The following FHIT variants were observed in gnomAD, a reference collection of about 807,000 sequenced individuals.
The protein encoded by FHIT is bis(5'-adenosyl)-triphosphatase.
A neutral mutation model predicts 17.9 loss-of-function variants in FHIT; 19 were observed. The ratio of observed to expected loss-of-function variants is 1.06; its 90% CI spans 0.74 to 1.56. FHIT has a LOEUF of 1.56. FHIT is among the 40% of genes most tolerant of loss of function. The pLI, the probability that FHIT is intolerant of heterozygous loss-of-function variation, is 0.00. For synonymous variants in FHIT, 81 were observed against 69.7 expected, an observed-to-expected ratio of 1.16 and a Z score of -0.81; for missense variants, 248 against 189.2, an observed-to-expected ratio of 1.31 and a Z score of -1.82.
intron 3 of FHIT, among the ~76,000 whole-genome samples, chr3:60,825,741 C>A (rs1011944271): frequency 1.3e-5 from 2 of 152,294 alleles, no homozygotes; most frequent in East Asian, 1.9e-4. Context: ...CCATACCCCC[C>A]ACCTCCCCAT....
intron 3 of FHIT, among the ~76,000 whole-genome samples, chr3:60,974,231 T>A (rs1380129311): frequency 2.0e-5 from 3 of 152,202 alleles, no homozygotes; most frequent in Non-Finnish European, 1.5e-5. Flanking sequence ...ACATAAAACC[T>A]TTGCTTTGTA....
At chr3:60,484,276 T>G (rs1411830812) in intron 5 of FHIT, among the ~76,000 whole-genome samples, 8 of 152,094 alleles carry the variant, frequency 5.3e-5, no homozygotes, top group Non-Finnish European at 1.2e-4. Context: ...AATGTTATTC[T>G]CAAACTACTA....
At chr3:60,125,701 TAC>T (rs1402455973) in intron 5 of FHIT, among the ~76,000 whole-genome samples, 2 of 151,034 alleles carry the variant, frequency 1.3e-5, no homozygotes, top group Admixed American at 6.6e-5. Flanking sequence ...TATATATATG[TAC>T]ACACACACGT....
intron 5 of FHIT, among the ~76,000 whole-genome samples, chr3:60,297,108 T>C (rs1708248397): frequency 2.6e-5 from 4 of 152,090 alleles, no homozygotes; most frequent in African/African-American, 9.7e-5. Flanking sequence ...TTTTCAAATC[T>C]GTTTTAGCTA....
intron 8 of FHIT, among the ~76,000 whole-genome samples, chr3:59,866,970 G>C (rs1469069355): frequency 6.6e-6 from 1 of 151,634 alleles, no homozygotes; most frequent in Non-Finnish European, 1.5e-5. Context: ...CTTAAAGGTG[G>C]TCACAGAATA....
At chr3:60,403,160 A>G (rs1273728633) in intron 5 of FHIT, among the ~76,000 whole-genome samples, 1 of 152,222 alleles carries the variant, frequency 6.6e-6, no homozygotes, top group African/African-American at 2.4e-5. Context: ...CAAAGACAGA[A>G]AAAGCAGCAT....
At chr3:59,886,573 C>T (rs1002156397) in intron 8 of FHIT, among the ~76,000 whole-genome samples, 3 of 151,966 alleles carry the variant, frequency 2.0e-5, no homozygotes, top group Non-Finnish European at 4.4e-5. Flanking sequence ...ACATGGGGAG[C>T]GAGGAAGCAA....
At chr3:61,238,575 GA>G (rs2106908058) in intron 1 of FHIT, among the ~76,000 whole-genome samples, 2 of 152,310 alleles carry the variant, frequency 1.3e-5, no homozygotes, top group East Asian at 3.9e-4. Context: ...TAACCTATAG[GA>G]GACTAAGAAA....
rs144268974 is a variant in FHIT at position 60,446,857 on chromosome 3, AAATAATAATAATAATAAT to A, written c.103+89985_103+90002del. 8.2e-4 allele frequency among the ~76,000 whole-genome samples: 114 copies of A among 139,026 alleles called. 1 individual carries two copies. Among genetic ancestry groups the A allele is most frequent in the Admixed American group, 2.4e-3 (33 of 13,602 alleles). 91.2% of individuals were successfully genotyped at this position (139,026 alleles called of 152,430 possible). On this transcript the variant is annotated intron_variant, in intron 5 of 9. Coordinates refer to ENST00000492590, the MANE Select transcript of FHIT (RefSeq NM_002012.4). ...AGCAGAGCAAGACCCTATCTCATTA[AAATAATAATAATAATAAT>A]AATAATAATAATAATAATAATAATA... is the stretch of plus-strand genomic sequence containing the variant.
At chr3:59,758,196 G>A (rs1221466912) in intron 8 of FHIT, among the ~76,000 whole-genome samples, 1 of 152,150 alleles carries the variant, frequency 6.6e-6, no homozygotes, top group Non-Finnish European at 1.5e-5. Context: ...TGAAGAAAGG[G>A]TAATTCTGGG....
chr3:60,930,996 A>C (rs1707920909), intron 3 of FHIT, among the ~76,000 whole-genome samples: 1 of 152,238 alleles, frequency 6.6e-6, no homozygotes, highest in African/African-American at 2.4e-5. Context: ...TGGATTAAGA[A>C]AATGTGGCAC....
chr3:60,220,817 C>T (rs1001211386), intron 5 of FHIT, among the ~76,000 whole-genome samples: 1 of 152,186 alleles, frequency 6.6e-6, no homozygotes, highest in African/African-American at 2.4e-5. Flanking sequence ...AGCCGACATT[C>T]ATTTCTTCAC....
At chr3:61,097,269 G>A (rs2035673016) in intron 2 of FHIT, among the ~76,000 whole-genome samples, 1 of 152,062 alleles carries the variant, frequency 6.6e-6, no homozygotes, top group Non-Finnish European at 1.5e-5. Context: ...TCCACTGAGC[G>A]AGAGCCGAAG....
chr3:60,632,622 G>T (rs1421007369), intron 4 of FHIT, among the ~76,000 whole-genome samples: 1 of 152,174 alleles, frequency 6.6e-6, no homozygotes, highest in African/African-American at 2.4e-5. Flanking sequence ...GAATACCTCG[G>T]AGATAAACTT....
chr3:60,627,558 T>G (rs931085869), intron 4 of FHIT, among the ~76,000 whole-genome samples: 1 of 152,066 alleles, frequency 6.6e-6, no homozygotes, highest in African/African-American at 2.4e-5. Flanking sequence ...CAGGCTGGAG[T>G]GCAGTGACAG....
At chr3:60,571,531 G>A (rs1211517820) in intron 4 of FHIT, among the ~76,000 whole-genome samples, 1 of 151,946 alleles carries the variant, frequency 6.6e-6, no homozygotes, top group Non-Finnish European at 1.5e-5. Context: ...ACAGGAATTT[G>A]CATACGCTCT....
chr3:59,893,523 C>A (rs1433069286), intron 8 of FHIT, among the ~76,000 whole-genome samples: 1 of 152,134 alleles, frequency 6.6e-6, no homozygotes, highest in Admixed American at 6.5e-5. Flanking sequence ...GAGAATGTCC[C>A]CAAGGGTGAA....
At chr3:60,410,831 T>C (rs1490969322) in intron 5 of FHIT, among the ~76,000 whole-genome samples, 2 of 152,330 alleles carry the variant, frequency 1.3e-5, no homozygotes, top group East Asian at 3.9e-4. Context: ...CTCATATTGC[T>C]TATTTAATGA....
intron 4 of FHIT, among the ~76,000 whole-genome samples, chr3:60,563,804 A>C (rs1219723692): frequency 1.3e-5 from 2 of 152,240 alleles, no homozygotes; most frequent in African/African-American, 2.4e-5. Context: ...GAGATTGGTC[A>C]TGAGGTTCAA....
Sources: gnomAD v4.1 joint callset for allele counts (sites outside exome capture counted in the v4.1 genomes callset) on GRCh38, gnomAD v4.1.1 for gene constraint, MANE v1.5 for transcripts, NCBI Gene and HGNC (gene_info 2026-07-23, HGNC 2026-07-21) for gene names.